CAMK4: variants seen among roughly 807,000 people sequenced by gnomAD.
CAMK4 encodes the protein calcium/calmodulin dependent protein kinase IV.
CAMK4 carries 22 observed loss-of-function variants against 44.9 expected under a neutral mutation model. The ratio of observed to expected loss-of-function variants is 0.49; its 90% confidence interval spans 0.35 to 0.70. CAMK4 has a LOEUF of 0.70. Ranked by LOEUF, CAMK4 falls within the 30% of genes least tolerant of loss-of-function variation. CAMK4 has a pLI of 0.01. For missense variants in CAMK4, 498 were observed against 586.8 expected, an observed-to-expected ratio of 0.85 and a Z score of 1.56; for synonymous variants, 218 against 215.4, an observed-to-expected ratio of 1.01 and a Z score of -0.11.
chr5:111,308,842 A>G (rs892400333), intron 1 of CAMK4, among the ~76,000 whole-genome samples: 1 of 152,252 alleles, frequency 6.6e-6, no homozygotes, highest in Non-Finnish European at 1.5e-5. Context: ...ATATTCAGTA[A>G]TCTTAAAATT....
intron 1 of CAMK4, among the ~76,000 whole-genome samples, chr5:111,285,565 A>T (rs1166166384): frequency 6.6e-6 from 1 of 152,176 alleles, no homozygotes; most frequent in Non-Finnish European, 1.5e-5. Flanking sequence ...GCTGCAATGG[A>T]TGTAATTTCT....
chr5:111,233,783 G>A (rs1235204367), intron 1 of CAMK4, among the ~76,000 whole-genome samples: 1 of 152,146 alleles, frequency 6.6e-6, no homozygotes, highest in Non-Finnish European at 1.5e-5. Flanking sequence ...TCATTTAAAT[G>A]AGGAACCTGT....
intron 1 of CAMK4, among the ~76,000 whole-genome samples, chr5:111,295,396 T>G (rs950662709): frequency 6.6e-6 from 1 of 152,148 alleles, no homozygotes. Flanking sequence ...GCTGCAAACT[T>G]GAAAGTGAAC....
At chr5:111,483,087 A>C in intron 10 of CAMK4, 150 bp downstream of exon 10, 1 of 615,076 alleles carries the variant, frequency 1.6e-6, no homozygotes, top group Non-Finnish European at 2.6e-6. Context: ...AAACTCCAAT[A>C]AGGCTGACAC....
At chr5:111,344,126 G>T in intron 2 of CAMK4, 24 bp downstream of exon 2, 1 of 1,366,310 alleles carries the variant, frequency 7.3e-7, no homozygotes, top group Non-Finnish European at 1.0e-6. Flanking sequence ...TTATATAATG[G>T]CATCTCTAAG....
chr5:111,276,275 T>C (rs1342077086), intron 1 of CAMK4, among the ~76,000 whole-genome samples: 1 of 152,188 alleles, frequency 6.6e-6, no homozygotes, highest in African/African-American at 2.4e-5. Context: ...CTCCCCTTTT[T>C]TGGAGCACAC....
chr5:111,382,135 A>G (rs370162843), intron 4 of CAMK4, among the ~76,000 whole-genome samples: 1 of 152,122 alleles, frequency 6.6e-6, no homozygotes, highest in East Asian at 1.9e-4. Context: ...TATATAGCCC[A>G]CTCAATAACT....
intron 5 of CAMK4, among the ~76,000 whole-genome samples, chr5:111,424,689 C>T (rs370328532): frequency 3.6e-4 from 55 of 151,664 alleles, no homozygotes; most frequent in South Asian, 2.9e-3. Context: ...CCTTGCGATC[C>T]GCCCGCCTTG....
rs1397538300 is a variant in CAMK4 at position 111,290,157 on chromosome 5, G to A, written c.162-53867G>A. 6.6e-6 allele frequency among the ~76,000 whole-genome samples: 1 copy of A among 152,142 alleles called. No homozygotes were observed. Among genetic ancestry groups the A allele is most frequent in the Non-Finnish European group, 1.5e-5 (1 of 68,026 alleles). ...GCCATTGGTTCAACACATAAACCCT[G>A]TTTTGGAGTATAGACGCCTGCTCCC... On this transcript the variant is annotated intron_variant, in intron 1 of 10. Coordinates refer to ENST00000282356, the MANE Select transcript of CAMK4 (RefSeq NM_001744.6). This position sits in a 1 kb window ranked among gnomAD's most constrained non-coding sequence, Gnocchi z 4.5.
At chr5:111,403,083 C>T (rs1752289457) in intron 5 of CAMK4, among the ~76,000 whole-genome samples, 1 of 152,172 alleles carries the variant, frequency 6.6e-6, no homozygotes, top group African/African-American at 2.4e-5. Context: ...TTAAACATAA[C>T]AGAAAGAGCA....
chr5:111,343,409 A>C (rs116050897), intron 1 of CAMK4, among the ~76,000 whole-genome samples: 3,647 of 151,780 alleles, frequency 0.024, 64 homozygotes, highest in Non-Finnish European at 0.03. Context: ...TTTGCTTCTC[A>C]TGTGGTGTTT....
intron 1 of CAMK4, among the ~76,000 whole-genome samples, chr5:111,225,967 G>A (rs544169748): frequency 2.6e-5 from 4 of 152,184 alleles, no homozygotes; most frequent in Non-Finnish European, 4.4e-5. Context: ...GGACAATGAT[G>A]TCGATTTTTG....
intron 5 of CAMK4, among the ~76,000 whole-genome samples, chr5:111,401,702 C>T (rs1448484878): frequency 3.9e-5 from 6 of 152,048 alleles, no homozygotes; most frequent in African/African-American, 7.2e-5. Context: ...TACTCAAAAA[C>T]GGAAAAGGCA....
Position 111,224,468 on chromosome 5 carries a change from G to A in CAMK4, c.-16G>A, listed in dbSNP as rs1309126818. The A allele has an allele frequency of 3.2e-6, 5 of 1,579,288 alleles. No homozygotes were observed. The highest frequency in any genetic ancestry group is 1.7e-6 in the Non-Finnish European group (2 of 1,166,862). Reference sequence around the variant, plus strand: ...GCGGCGGCGGCGGCGGCGGCTTCCGGAGTCCCGCTGCGAAGATGCTCAAAG... The same window carrying A: ...GCGGCGGCGGCGGCGGCGGCTTCCGAAGTCCCGCTGCGAAGATGCTCAAAG... On this transcript the variant is annotated 5_prime_UTR_variant, in exon 1 of 11. Transcript: ENST00000282356. The surrounding 1 kb of genome is among the most constrained non-coding windows in gnomAD (Gnocchi z 5.7).
chr5:111,469,965 A>C (rs1456842462), intron 7 of CAMK4, among the ~76,000 whole-genome samples: 1 of 152,246 alleles, frequency 6.6e-6, no homozygotes, highest in East Asian at 1.9e-4. Flanking sequence ...TTTAAATGTC[A>C]GTATGGGGCT....
intron 4 of CAMK4, among the ~76,000 whole-genome samples, chr5:111,389,367 G>A (rs1035259194): frequency 6.6e-6 from 1 of 152,186 alleles, no homozygotes; most frequent in East Asian, 1.9e-4. Flanking sequence ...TTAGCTCACA[G>A]TAGGCACTTA....
At chr5:111,365,427 C>T (rs1199130494) in intron 2 of CAMK4, among the ~76,000 whole-genome samples, 1 of 151,946 alleles carries the variant, frequency 6.6e-6, no homozygotes, top group Non-Finnish European at 1.5e-5. Flanking sequence ...TTGAATGAAC[C>T]ATCCATGTGA....
At chr5:111,272,735 G>A (rs1193680624) in intron 1 of CAMK4, among the ~76,000 whole-genome samples, 1 of 151,942 alleles carries the variant, frequency 6.6e-6, no homozygotes, top group Non-Finnish European at 1.5e-5. Flanking sequence ...GAGAATAGAC[G>A]CTTTGATAGA....
chr5:111,486,858 T>G lies in CAMK4; in HGVS notation c.*2392T>G, dbSNP rs1197874021. The G allele has an allele frequency of 2.0e-5, 3 of 152,146 alleles. No homozygotes were observed. Among genetic ancestry groups the G allele is most frequent in the Non-Finnish European group, 2.9e-5 (2 of 68,018 alleles). 9.4% of individuals were successfully genotyped at this position (152,146 alleles called of 1,614,324 possible). A position where few individuals can be genotyped will look rare whatever the true frequency, so the allele number is the denominator to read the frequency against. ...CTTTTTAAACCCATAAACTACATTT[T>G]TAAAAAAATCAATGGGAGTTTTAAA... On this transcript the variant is annotated 3_prime_UTR_variant, in exon 11 of 11. Transcript: ENST00000282356.
Sources: allele counts gnomAD v4.1 joint callset (sites outside exome capture counted in the v4.1 genomes callset), GRCh38; gene constraint gnomAD v4.1.1; non-coding constraint Gnocchi (gnomAD v3.1); transcripts MANE v1.5; gene names NCBI Gene and HGNC (gene_info 2026-07-23, HGNC 2026-07-21).